CUL2: variants seen among roughly 807,000 people sequenced by gnomAD.
CUL2 encodes the protein cullin-2.
Under a neutral mutation model 110.2 loss-of-function variants are expected in CUL2, and 22 were observed. The observed-to-expected ratio is 0.20, with a 90% CI of 0.14 to 0.28. The LOEUF is 0.28. Ranked by LOEUF, CUL2 falls within the 10% of genes least tolerant of loss-of-function variation. The pLI is 1.00. For missense variants in CUL2, 631 were observed against 905.5 expected, an observed-to-expected ratio of 0.70 and a Z score of 3.89; for synonymous variants, 279 against 293.2, an observed-to-expected ratio of 0.95 and a Z score of 0.49.
At chr10:35,038,441 A>G (rs1198646091) in intron 9 of CUL2, among the ~76,000 whole-genome samples, 3 of 125,402 alleles carry the variant, frequency 2.4e-5, no homozygotes, top group African/African-American at 8.9e-5. Flanking sequence ...CAGGAGAATC[A>G]CTTGAATCTG....
chr10:35,068,316 G>A (rs944137368), intron 2 of CUL2, among the ~76,000 whole-genome samples: 34 of 152,146 alleles, frequency 2.2e-4, no homozygotes, highest in Non-Finnish European at 4.3e-4. Flanking sequence ...CAGACACTCG[G>A]GAGGCTGAGG....
chr10:35,070,515 T>A (rs2086650403), intron 2 of CUL2, among the ~76,000 whole-genome samples: 1 of 152,172 alleles, frequency 6.6e-6, no homozygotes, highest in Non-Finnish European at 1.5e-5. Context: ...GCAGCACTAG[T>A]TAGGTCTAGC....
chr10:35,049,666 TA>T lies in CUL2; in HGVS notation c.506+16del. On this transcript the variant is annotated intron_variant, in intron 6 of 20. Coordinates refer to ENST00000374749, the MANE Select transcript of CUL2 (RefSeq NM_003591.4). ...ACAAAATAAAATTGACTCAGTAAGA[TA>T]AATGTCAGCACTCACTTTTTGATTT... 6.2e-7 allele frequency: 1 copy of T among 1,600,232 alleles called. No individual in the cohort carries two copies. Among genetic ancestry groups the T allele is most frequent in the South Asian group, 1.1e-5 (1 of 90,302 alleles).
At chr10:35,057,647 C>T (rs1376640763) in intron 4 of CUL2, among the ~76,000 whole-genome samples, 5 of 139,956 alleles carry the variant, frequency 3.6e-5, no homozygotes, top group African/African-American at 5.4e-5. Context: ...AGCAAGACTC[C>T]GTCTGAAAAA....
Position 35,029,539 on chromosome 10 carries a change from G to A in CUL2, c.1488C>T (p.Asn496=). The change falls in exon 15 of 21, where the codon AAC becomes AAT. Residue 496 remains asparagine (N), a synonymous_variant. Transcript: ENST00000374749. ...TTCCCAAATCTATTACTGTGTCTTGGTTTTTGATAAAATTGTTGAACTTAT... is the reference window on the plus strand; with the variant it reads ...TTCCCAAATCTATTACTGTGTCTTGATTTTTGATAAAATTGTTGAACTTAT... The part of the protein sequence containing the change: ...LNNKFNNFIK[N]QDTVIDLGIS... 6.3e-7 allele frequency: 1 copy of A among 1,586,590 alleles called. No individual in the cohort carries two copies. Among genetic ancestry groups the A allele is most frequent in the Non-Finnish European group, 8.6e-7 (1 of 1,168,680 alleles).
chr10:35,032,949 T>TTA (rs1056282048), intron 11 of CUL2, among the ~76,000 whole-genome samples: 3 of 152,166 alleles, frequency 2.0e-5, no homozygotes, highest in African/African-American at 7.2e-5. Context: ...AAAATTCCCC[T>TTA]TATATAGCAT....
At chr10:35,073,509 A>G (rs191519440) in intron 1 of CUL2, among the ~76,000 whole-genome samples, 148 of 151,900 alleles carry the variant, frequency 9.7e-4, no homozygotes, top group African/African-American at 3.4e-3. Context: ...TAGTCTAAGT[A>G]CCCTGTACAA....
intron 1 of CUL2, among the ~76,000 whole-genome samples, chr10:35,119,347 ACT>A (rs1476738824): frequency 6.6e-6 from 1 of 151,928 alleles, no homozygotes; most frequent in Non-Finnish European, 1.5e-5. Context: ...TAAAGGTCCA[ACT>A]CTCTATTTCT....
chr10:35,031,241 A>G lies in CUL2; in HGVS notation c.1386+59T>C. 9.2e-7 allele frequency: 1 copy of G among 1,089,420 alleles called. No homozygotes were observed. Among genetic ancestry groups the G allele is most frequent in the Non-Finnish European group, 1.3e-6 (1 of 740,916 alleles). The allele number at this position is 1,089,420 out of a possible 1,614,324, so 67.5% of individuals were successfully genotyped here. A position where few individuals can be genotyped will look rare whatever the true frequency, so the allele number is the denominator to read the frequency against. ...TACTGTACACAATGCTGCAATGAACATCTTTATGTGCTTGTGAATGAATTT... is the reference window on the plus strand; with the variant it reads ...TACTGTACACAATGCTGCAATGAACGTCTTTATGTGCTTGTGAATGAATTT... On this transcript the variant is annotated intron_variant, in intron 14 of 20. Coordinates refer to ENST00000374749, the MANE Select transcript of CUL2 (RefSeq NM_003591.4). The surrounding 1 kb of genome is among the most constrained non-coding windows in gnomAD (Gnocchi z 4.4).
At chr10:35,029,882 C>A (rs1167734213) in intron 14 of CUL2, among the ~76,000 whole-genome samples, 2 of 152,190 alleles carry the variant, frequency 1.3e-5, no homozygotes, top group Non-Finnish European at 2.9e-5. Flanking sequence ...AACAATAAAT[C>A]TCCCCTTAAA....
intron 14 of CUL2, among the ~76,000 whole-genome samples, chr10:35,030,296 A>G (rs1004498352): frequency 1.3e-5 from 2 of 152,236 alleles, no homozygotes; most frequent in Non-Finnish European, 2.9e-5. Context: ...ATTTCTTTAA[A>G]ATTATTCAAA....
rs938185006 is a variant in CUL2 at position 35,009,494 on chromosome 10, A to C, written c.*817T>G. 2 of 151,234 alleles carry C rather than the reference A, an allele frequency of 1.3e-5. No individual in the cohort carries two copies. Among genetic ancestry groups the C allele is most frequent in the Non-Finnish European group, 2.9e-5 (2 of 68,032 alleles). The allele number at this position is 151,234 out of a possible 1,614,324, so 9.4% of individuals were successfully genotyped here. A position where few individuals can be genotyped will look rare whatever the true frequency, so the allele number is the denominator to read the frequency against. The stretch of plus-strand genomic sequence containing the variant: ...CTAGAATTAATGGATTATGCAACCG[A>C]AGAAAGACAACTTTTGAATGAAAAG... On this transcript the variant is annotated 3_prime_UTR_variant, in exon 21 of 21. Transcript: ENST00000374749.
chr10:35,009,214 T>C lies in CUL2; in HGVS notation c.*1097A>G, dbSNP rs893772154. 6.8e-6 allele frequency: 1 copy of C among 146,334 alleles called. No individual in the cohort carries two copies. The highest frequency in any genetic ancestry group is 2.5e-5 in the African/African-American group (1 of 40,378). 9.1% of individuals were successfully genotyped at this position (146,334 alleles called of 1,614,324 possible). A position where few individuals can be genotyped will look rare whatever the true frequency, so the allele number is the denominator to read the frequency against. ...TATATATATATATTATATATATATA[T>C]ATATATAAAATAAACAAAATAATGG... On this transcript the variant is annotated 3_prime_UTR_variant, in exon 21 of 21. Transcript: ENST00000374749.
intron 17 of CUL2, among the ~76,000 whole-genome samples, chr10:35,024,076 C>T (rs181616511): frequency 2.3e-3 from 357 of 152,204 alleles, no homozygotes; most frequent in Non-Finnish European, 4.3e-3. Context: ...ATTAAGTGAC[C>T]CACCTGTCTC....
At chr10:35,113,213 C>T (rs908610622) in intron 1 of CUL2, among the ~76,000 whole-genome samples, 16 of 139,618 alleles carry the variant, frequency 1.1e-4, no homozygotes, top group South Asian at 2.3e-4. Context: ...AAGAATTCAG[C>T]GGCCAGGTGC....
chr10:35,051,662 T>C (rs747347284), intron 5 of CUL2, among the ~76,000 whole-genome samples: 3 of 152,226 alleles, frequency 2.0e-5, no homozygotes, highest in Admixed American at 1.3e-4. Flanking sequence ...GTTTTAACTC[T>C]CATTTTACTG....
chr10:35,065,665 T>C (rs2086501196), intron 2 of CUL2, among the ~76,000 whole-genome samples: 1 of 150,458 alleles, frequency 6.6e-6, no homozygotes, highest in Non-Finnish European at 1.5e-5. Context: ...ATTGAGACCA[T>C]CCTGGCCAAC....
intron 17 of CUL2, among the ~76,000 whole-genome samples, chr10:35,019,911 T>C (rs1254551886): frequency 6.6e-6 from 1 of 152,178 alleles, no homozygotes; most frequent in Non-Finnish European, 1.5e-5. Context: ...CCTCAGACTG[T>C]CTGCTAAGCT....
intron 16 of CUL2, among the ~76,000 whole-genome samples, chr10:35,027,570 G>A (rs1216190833): frequency 1.3e-5 from 2 of 152,108 alleles, no homozygotes; most frequent in African/African-American, 2.4e-5. Flanking sequence ...CCACAGTTTT[G>A]AGATACTTTG....
Sources: allele counts gnomAD v4.1 joint callset (sites outside exome capture counted in the v4.1 genomes callset), GRCh38; gene constraint gnomAD v4.1.1; non-coding constraint Gnocchi (gnomAD v3.1); transcripts MANE v1.5; gene names NCBI Gene and HGNC (gene_info 2026-07-23, HGNC 2026-07-21).